The following SATL1 variants were observed in gnomAD, a reference collection of about 807,000 sequenced individuals.
SATL1 encodes the protein spermidine/spermine N1-acetyl transferase like 1.
In SATL1, 47 loss-of-function variants were observed where a neutral mutation model predicts 51.8. The ratio of observed to expected loss-of-function variants is 0.91; its 90% CI spans 0.72 to 1.16. The LOEUF (loss-of-function observed/expected upper bound fraction) is 1.16, where lower values mean the gene tolerates loss of function less well. Ranked by LOEUF, SATL1 falls within the 50% of genes most tolerant of loss-of-function variation. SATL1 has a pLI of 0.00. For missense variants in SATL1, 520 were observed against 526.4 expected (o/e 0.99, Z 0.12); for synonymous variants, 176 against 182.4 (o/e 0.97, Z 0.28).
chrX:85,229,079 C>T (rs1239977322), intron 1 of SATL1, among the ~76,000 whole-genome samples: 1 of 111,634 alleles, frequency 9.0e-6, no homozygotes, highest in Non-Finnish European at 1.9e-5. Context: ...CTCTACTCCA[C>T]ATCCAATCTA....
At chrX:85,218,748 G>T (rs1308494996) in intron 2 of SATL1, among the ~76,000 whole-genome samples, 1 of 111,444 alleles carries the variant, frequency 9.0e-6, no homozygotes, top group Non-Finnish European at 1.9e-5. Context: ...AGAAATACTT[G>T]CTTTTCTTAT....
At chrX:85,197,842 G>A (rs1185977331) in intron 2 of SATL1, among the ~76,000 whole-genome samples, 1 of 109,499 alleles carries the variant, frequency 9.1e-6, no homozygotes, top group African/African-American at 3.3e-5. Flanking sequence ...ATTTTTTATG[G>A]CTGCATAGTA....
chrX:85,129,237 C>T (rs1254434042), intron 2 of SATL1, among the ~76,000 whole-genome samples: 5 of 111,834 alleles, frequency 4.5e-5, no homozygotes, highest in African/African-American at 1.6e-4. Flanking sequence ...TTACCTTGGG[C>T]AGAATGGCCA....
intron 2 of SATL1, among the ~76,000 whole-genome samples, chrX:85,164,871 C>T (rs1477168966): frequency 3.7e-5 from 4 of 109,507 alleles, no homozygotes; most frequent in Admixed American, 2.0e-4. Flanking sequence ...ATTACAGGCA[C>T]GCACCACCAC....
At chrX:85,232,174 A>T (rs1340161161) in intron 1 of SATL1, among the ~76,000 whole-genome samples, 1 of 109,369 alleles carries the variant, frequency 9.1e-6, no homozygotes, top group Non-Finnish European at 1.9e-5. Flanking sequence ...ATCTAGACAC[A>T]ACCTGGGCCA....
intron 2 of SATL1, among the ~76,000 whole-genome samples, chrX:85,112,552 C>T (rs1244921059): frequency 2.7e-5 from 3 of 111,273 alleles, no homozygotes; most frequent in African/African-American, 6.5e-5. Context: ...GGCCTGCTAC[C>T]GCTTGGGAGG....
chrX:85,108,400 G>A lies in SATL1; in HGVS notation c.569C>T (p.Pro190Leu), dbSNP rs781357872. The A allele has an allele frequency of 4.1e-6, 5 of 1,210,421 alleles. No homozygotes were observed. The South Asian group carries it at 5.3e-5, about 13-fold the overall frequency. Residue 190 changes from proline to leucine, a missense_variant, in exon 3 of 8, where the codon CCA becomes CTA. Around this residue, in one of 3 missense-constraint regions of SATL1, gnomAD observed 488 missense variants for 474.3 expected, o/e 1.03. Transcript: ENST00000644105. ...CACGCCTGGTTGCCACATGCCTGGT[G>A]GACTCATGTTTGGTTGCCTCAGGAC... is the stretch of plus-strand genomic sequence containing the variant. ...QPVLRQPNMS[P>L]PGMWQPGVQQ...
At chrX:85,156,922 C>T (rs942223865) in intron 2 of SATL1, among the ~76,000 whole-genome samples, 12 of 99,984 alleles carry the variant, frequency 1.2e-4, no homozygotes. Flanking sequence ...GATTCTCTAA[C>T]AGAGACTTGT....
At chrX:85,093,139 A>C in intron 7 of SATL1, 46 bp downstream of exon 7, 1 of 1,095,905 alleles carries the variant, frequency 9.1e-7, no homozygotes, top group South Asian at 2.1e-5. Context: ...ATATTTATTA[A>C]GAAAAGGTTA....
chrX:85,208,206 T>C (rs1265368586), intron 2 of SATL1, among the ~76,000 whole-genome samples: 1 of 111,389 alleles, frequency 9.0e-6, no homozygotes, highest in Non-Finnish European at 1.9e-5. Flanking sequence ...TCCAGCTGCA[T>C]CTATGTCCCT....
At chrX:85,220,086 T>C (rs903329346) in intron 2 of SATL1, among the ~76,000 whole-genome samples, 1 of 109,799 alleles carries the variant, frequency 9.1e-6, no homozygotes, top group Non-Finnish European at 1.9e-5. Flanking sequence ...GGAGCATCTC[T>C]GGGCATTGGG....
At position 85,164,965 on chromosome X, in the gene SATL1, C is replaced by A. The variant is rs1328940278; in HGVS notation, c.-312-55685G>T. Among the ~76,000 whole-genome samples the A allele has an allele frequency of 5.4e-5, 6 of 110,741 alleles. No individual in the cohort carries two copies. In the East Asian group the frequency reaches 1.7e-3, roughly 32 times the overall value. On this transcript the variant is annotated intron_variant, in intron 2 of 7. Coordinates refer to ENST00000644105, the MANE Select transcript of SATL1 (RefSeq NM_001367857.2). ...TCTTGAACTCCTGACCTCAGGTAAT[C>A]TGCCCACCTCGGCCTCCCAAAGTGT...
At chrX:85,144,967 G>A (rs1479136729) in intron 2 of SATL1, among the ~76,000 whole-genome samples, 1 of 110,594 alleles carries the variant, frequency 9.0e-6, no homozygotes, top group Non-Finnish European at 1.9e-5. Flanking sequence ...AGTCTGGGAG[G>A]TAGATGCTGC....
chrX:85,204,032 T>C lies in SATL1; in HGVS notation c.-313+20173A>G, dbSNP rs753533997. Among the ~76,000 whole-genome samples the C allele has an allele frequency of 3.6e-5, 4 of 112,386 alleles. No homozygotes were observed. The Admixed American group carries it at 3.8e-4, about 11-fold the overall frequency. On this transcript the variant is annotated intron_variant, in intron 2 of 7. Transcript: ENST00000644105. ...AGGCCTCCATGCATGCCCGAGCAGC[T>C]GCTTTGCCAGGACTCCATGTAGCTC...
At chrX:85,142,545 G>C (rs778698493) in intron 2 of SATL1, 10 of 111,143 alleles carry the variant, frequency 9.0e-5, no homozygotes, top group Non-Finnish European at 3.8e-5. Flanking sequence ...AATTTTATTA[G>C]TGGCAAGAAA....
rs182647853 is a variant in SATL1 at position 85,128,132 on chromosome X, C to T, written c.-312-18852G>A. ...ATGTGTGCATGTGTCTTTATAGTAGCATGATTTATAATCCTTTGGGTATAT... is the reference window on the plus strand; with the variant it reads ...ATGTGTGCATGTGTCTTTATAGTAGTATGATTTATAATCCTTTGGGTATAT... On this transcript the variant is annotated intron_variant, in intron 2 of 7. Coordinates refer to ENST00000644105, the MANE Select transcript of SATL1 (RefSeq NM_001367857.2). Among the ~76,000 whole-genome samples the T allele has an allele frequency of 6.4e-3, 710 of 111,574 alleles. 9 individuals are homozygous for T. The highest frequency in any genetic ancestry group is 0.022 in the African/African-American group (681 of 30,693).
intron 2 of SATL1, among the ~76,000 whole-genome samples, chrX:85,153,299 C>T (rs73511621): frequency 0.049 from 5,464 of 111,036 alleles, 369 homozygotes; most frequent in African/African-American, 0.17. Context: ...GGAGTAGGTG[C>T]GAGGAAACAC....
chrX:85,184,205 C>T (rs761470183), intron 2 of SATL1, among the ~76,000 whole-genome samples: 1 of 111,487 alleles, frequency 9.0e-6, no homozygotes, highest in South Asian at 3.8e-4. Flanking sequence ...ACTTAGGTTG[C>T]ATCCAAACCT....
At chrX:85,149,630 C>G (rs1402202492) in intron 2 of SATL1, among the ~76,000 whole-genome samples, 1 of 111,730 alleles carries the variant, frequency 9.0e-6, no homozygotes, top group African/African-American at 3.3e-5. Context: ...GACCACAGTG[C>G]AATCAAATTA....
Sources: allele counts gnomAD v4.1 joint callset (sites outside exome capture counted in the v4.1 genomes callset), GRCh38; gene constraint gnomAD v4.1.1; regional missense constraint gnomAD v4.1.1; transcripts MANE v1.5; gene names NCBI Gene and HGNC (gene_info 2026-07-23, HGNC 2026-07-21).